The following CHSY1 variants were observed in gnomAD, a reference collection of about 807,000 sequenced individuals.
CHSY1 encodes N-acetylgalactosaminyl-proteoglycan 3-beta-glucuronosyltransferase 1.
A neutral mutation model predicts 59.8 loss-of-function variants in CHSY1; 13 were observed. That is an observed-to-expected ratio of 0.22 (90% CI 0.14 to 0.35). CHSY1 has a LOEUF of 0.35. CHSY1 is among the 10% of genes least tolerant of loss of function. The pLI, the probability that CHSY1 is intolerant of heterozygous loss-of-function variation, is 1.00. For missense variants in CHSY1, 947 were observed against 1,030.6 expected (o/e 0.92, Z 1.11); for synonymous variants, 459 against 401.2 (o/e 1.14, Z -1.72).
intron 2 of CHSY1, among the ~76,000 whole-genome samples, chr15:101,220,480 C>T (rs1263318497): frequency 6.6e-6 from 1 of 152,232 alleles, no homozygotes; most frequent in African/African-American, 2.4e-5. Flanking sequence ...CCTATCAACT[C>T]TACCTGCAAA....
intron 2 of CHSY1, among the ~76,000 whole-genome samples, chr15:101,203,795 A>C (rs1341266450): frequency 6.6e-6 from 1 of 152,182 alleles, no homozygotes; most frequent in Non-Finnish European, 1.5e-5. Flanking sequence ...ACTACAAAAT[A>C]ACTCATCTGT....
chr15:101,185,509 C>G (rs527629437), intron 2 of CHSY1, among the ~76,000 whole-genome samples: 10 of 147,984 alleles, frequency 6.8e-5, no homozygotes, highest in Admixed American at 1.4e-4. Context: ...ATGGAGCACC[C>G]TCCATCCCCC....
rs1234403927 is a variant in CHSY1, at chr15:101,235,124, A to G, written c.774T>C (p.Cys258=). ...TTHEDVEVGR[C]VRRFAGVQCV... ...ACTGCACCCCTGCAAACCTCCGGAC[A>G]CACCTTCCCACCTCCACGTCCTCAT... The change falls in exon 2 of 3, where the codon TGT becomes TGC. Residue 258 remains cysteine, a synonymous_variant. Coordinates refer to ENST00000254190, the MANE Select transcript of CHSY1 (RefSeq NM_014918.5). 1.2e-6 allele frequency: 2 copies of G among 1,614,080 alleles called. No individual in the cohort carries two copies. Among genetic ancestry groups the G allele is most frequent in the South Asian group, 1.1e-5 (1 of 91,082 alleles).
At chr15:101,215,461 G>A (rs752083364) in intron 2 of CHSY1, among the ~76,000 whole-genome samples, 1 of 151,510 alleles carries the variant, frequency 6.6e-6, no homozygotes, top group Non-Finnish European at 1.5e-5. Flanking sequence ...TAGGCCACGC[G>A]TGGTGGCTCA....
intron 2 of CHSY1, 91 bp downstream of exon 2, chr15:101,234,991 A>G (rs1187513290): frequency 4.0e-6 from 6 of 1,503,204 alleles, no homozygotes; most frequent in South Asian, 1.1e-5. Flanking sequence ...CTCAAAGAGG[A>G]TATCATCTCT....
intron 1 of CHSY1, 74 bp from the exon 2 acceptor site, chr15:101,235,651 C>A: frequency 6.7e-7 from 1 of 1,487,892 alleles, no homozygotes. Flanking sequence ...GTTATCTGCT[C>A]ATCTTGTATC....
In CHSY1 at chr15:101,195,473, G is replaced by A. The variant is rs117446987; in HGVS notation, c.817-16493C>T. Reference sequence around the variant, plus strand: ...ATGTGAGAAAGTTTAAAGGCTAATGGTAAAGGTATAAGTCATGTGTCAACC... The same window carrying A: ...ATGTGAGAAAGTTTAAAGGCTAATGATAAAGGTATAAGTCATGTGTCAACC... On this transcript the variant is annotated intron_variant, in intron 2 of 2. Transcript: ENST00000254190. Among the ~76,000 whole-genome samples, 739 of 152,316 alleles carry A rather than the reference G, an allele frequency of 4.9e-3. 3 individuals carry two copies. The highest frequency in any genetic ancestry group is 0.014 in the Middle Eastern group (4 of 294).
At chr15:101,247,122 T>C (rs186963728) in intron 1 of CHSY1, among the ~76,000 whole-genome samples, 2 of 152,352 alleles carry the variant, frequency 1.3e-5, no homozygotes, top group East Asian at 3.9e-4. Context: ...AGTGGCTTTC[T>C]AATTCACTCA....
chr15:101,183,145 A>T (rs2038303150), intron 2 of CHSY1, among the ~76,000 whole-genome samples: 1 of 152,138 alleles, frequency 6.6e-6, no homozygotes, highest in African/African-American at 2.4e-5. Flanking sequence ...GATCATAACG[A>T]TAAAAAAAAA....
At chr15:101,218,939 A>G (rs557484151) in intron 2 of CHSY1, among the ~76,000 whole-genome samples, 49 of 152,370 alleles carry the variant, frequency 3.2e-4, no homozygotes, top group Admixed American at 2.0e-3. Context: ...GGTATTTACA[A>G]TAAAAAGGTA....
chr15:101,220,743 TG>T (rs1342014548), intron 2 of CHSY1, among the ~76,000 whole-genome samples: 1 of 152,250 alleles, frequency 6.6e-6, no homozygotes, highest in African/African-American at 2.4e-5. Flanking sequence ...CACAGGACGC[TG>T]CCCCTCTCAC....
chr15:101,221,145 C>T (rs1360288330), intron 2 of CHSY1, among the ~76,000 whole-genome samples: 1 of 152,142 alleles, frequency 6.6e-6, no homozygotes, highest in Non-Finnish European at 1.5e-5. Context: ...TGTGGCAGCC[C>T]CTATGCCTAT....
chr15:101,208,928 A>G (rs2038656178), intron 2 of CHSY1, among the ~76,000 whole-genome samples: 1 of 152,240 alleles, frequency 6.6e-6, no homozygotes. Context: ...AAAAGTAGAA[A>G]GAATAACTGG....
At chr15:101,243,835 C>T (rs751330592) in intron 1 of CHSY1, among the ~76,000 whole-genome samples, 4 of 152,184 alleles carry the variant, frequency 2.6e-5, no homozygotes, top group Non-Finnish European at 5.9e-5. Context: ...TGTCTGGATC[C>T]GTGTGCGCCT....
Position 101,251,336 on chromosome 15 carries a change from G to T in CHSY1, c.121C>A (p.Arg41Ser). ...ASELKRAGPR[R>S]RASPEGCRSG... Reference sequence around the variant, plus strand: ...CGGCAGCCCTCGGGGCTGGCGCGGCGCCGTGGGCCCGCTCGCTTCAGCTCG... The same window carrying T: ...CGGCAGCCCTCGGGGCTGGCGCGGCTCCGTGGGCCCGCTCGCTTCAGCTCG... The change falls in exon 1 of 3, where the codon CGC becomes AGC. Residue 41 changes from arginine to serine, a missense_variant. Coordinates refer to ENST00000254190, the MANE Select transcript of CHSY1 (RefSeq NM_014918.5). 1 of 1,131,734 alleles carries T rather than the reference G, an allele frequency of 8.8e-7. No homozygotes were observed. The highest frequency in any genetic ancestry group is 1.1e-6 in the Non-Finnish European group (1 of 911,906). 70.1% of individuals were successfully genotyped at this position (1,131,734 alleles called of 1,614,324 possible). A position where few individuals can be genotyped will look rare whatever the true frequency, so the allele number is the denominator to read the frequency against.
At chr15:101,197,625 A>G (rs890850569) in intron 2 of CHSY1, among the ~76,000 whole-genome samples, 3 of 152,230 alleles carry the variant, frequency 2.0e-5, no homozygotes, top group Non-Finnish European at 4.4e-5. Flanking sequence ...TAAACAATTT[A>G]TAATGTTAAA....
rs1423990957 is a variant in CHSY1, at chr15:101,236,215, T to C, written c.321-638A>G. The stretch of plus-strand genomic sequence containing the variant: ...AGGAATGCAGGGCACGAGAGCGCTG[T>C]CATGAGGCGAGGAAGAAGGCTGATA... On this transcript the variant is annotated intron_variant, in intron 1 of 2. Transcript: ENST00000254190. Among the ~76,000 whole-genome samples, 3 of 152,130 alleles carry C rather than the reference T, an allele frequency of 2.0e-5. No individual in the cohort carries two copies. In the East Asian group the frequency reaches 5.8e-4, roughly 29 times the overall value.
intron 2 of CHSY1, chr15:101,187,954 C>A: frequency 1.1e-6 from 1 of 892,476 alleles, no homozygotes; most frequent in Non-Finnish European, 1.3e-6. Context: ...CTGGGAATAA[C>A]CATCAACTAC....
At chr15:101,247,900 T>C (rs551512314) in intron 1 of CHSY1, among the ~76,000 whole-genome samples, 5 of 152,192 alleles carry the variant, frequency 3.3e-5, no homozygotes, top group Non-Finnish European at 5.9e-5. Flanking sequence ...CCTTTCTGGA[T>C]CTCAGAGTTG....
Sources: allele counts gnomAD v4.1 joint callset (sites outside exome capture counted in the v4.1 genomes callset), GRCh38; gene constraint gnomAD v4.1.1; transcripts MANE v1.5; gene names NCBI Gene and HGNC (gene_info 2026-07-23, HGNC 2026-07-21).